ZC3H3: variants seen among roughly 807,000 people sequenced by gnomAD.
ZC3H3 encodes zinc finger CCCH-type containing 3.
In ZC3H3, 36 loss-of-function variants were observed where a neutral mutation model predicts 77.3. The ratio of observed to expected loss-of-function variants is 0.47; its 90% confidence interval spans 0.36 to 0.61. ZC3H3 has a LOEUF of 0.61. Among genes scored for constraint, ZC3H3 ranks in the 20% least tolerant of loss-of-function variants. The pLI is 0.00. For missense variants in ZC3H3, 1,331 were observed against 1,312.2 expected, an observed-to-expected ratio of 1.01 and a Z score of -0.22; for synonymous variants, 626 against 555.2, an observed-to-expected ratio of 1.13 and a Z score of -1.79.
intron 5 of ZC3H3, among the ~76,000 whole-genome samples, chr8:143,474,108 A>G (rs1479010358): frequency 6.6e-6 from 1 of 152,148 alleles, no homozygotes; most frequent in African/African-American, 2.4e-5. Context: ...TCCTGCACTG[A>G]GCACCCGGGG....
At chr8:143,471,580 C>T (rs1454328121) in intron 5 of ZC3H3, among the ~76,000 whole-genome samples, 1 of 152,238 alleles carries the variant, frequency 6.6e-6, no homozygotes, top group African/African-American at 2.4e-5. Context: ...GGGCCATGCT[C>T]ACTGGGGGCC....
intron 3 of ZC3H3, among the ~76,000 whole-genome samples, chr8:143,529,240 G>A (rs771852903): frequency 1.2e-4 from 18 of 151,090 alleles, no homozygotes; most frequent in African/African-American, 4.2e-4. Flanking sequence ...GCTGGTCACC[G>A]GGAGAAGCCG....
Position 143,511,349 on chromosome 8 carries a change from G to C in ZC3H3, c.1562-3450C>G, listed in dbSNP as rs147281650. ...CTGATCAGATGGGGGTCGCAGCCTT[G>C]CTCTGTTTTATGTGGAGCAGGAGTG... is the stretch of plus-strand genomic sequence containing the variant. On this transcript the variant is annotated intron_variant, in intron 3 of 11. Coordinates refer to ENST00000262577, the MANE Select transcript of ZC3H3 (RefSeq NM_015117.3). 4.2e-3 allele frequency among the ~76,000 whole-genome samples: 645 copies of C among 152,352 alleles called. 2 individuals are homozygous for C. The highest frequency in any genetic ancestry group is 9.7e-3 in the South Asian group (47 of 4,832).
At chr8:143,500,571 A>G (rs1452588528) in intron 4 of ZC3H3, among the ~76,000 whole-genome samples, 1 of 152,240 alleles carries the variant, frequency 6.6e-6, no homozygotes, top group African/African-American at 2.4e-5. Flanking sequence ...ACAGAAAACA[A>G]GTGTCTTTGG....
chr8:143,442,935 T>C (rs1819783823), intron 9 of ZC3H3, among the ~76,000 whole-genome samples: 1 of 152,184 alleles, frequency 6.6e-6, no homozygotes, highest in Non-Finnish European at 1.5e-5. Context: ...ACAGCGCCGA[T>C]GAGAACCCTC....
At chr8:143,516,970 G>A (rs543492657) in intron 3 of ZC3H3, among the ~76,000 whole-genome samples, 4 of 152,308 alleles carry the variant, frequency 2.6e-5, no homozygotes, top group South Asian at 4.1e-4. Flanking sequence ...TGTCCCCCCC[G>A]TGTGGGATCC....
chr8:143,526,782 T>A (rs1481150836), intron 3 of ZC3H3, among the ~76,000 whole-genome samples: 1 of 151,802 alleles, frequency 6.6e-6, no homozygotes, highest in African/African-American at 2.4e-5. Context: ...GCCACATTCG[T>A]CCCCAGCTGG....
Position 143,494,442 on chromosome 8 carries a change from G to A in ZC3H3, c.1715+13304C>T, listed in dbSNP as rs1821289674. Among the ~76,000 whole-genome samples the A allele has an allele frequency of 6.6e-6, 1 of 152,150 alleles. No homozygotes were observed. The highest frequency in any genetic ancestry group is 2.1e-4 in the South Asian group (1 of 4,822). ...CGTGGAGGATGGGGCTCCGGCAGAT[G>A]ACCCCCGAGGGGTGAGCACAGGACC... On this transcript the variant is annotated intron_variant, in intron 4 of 11. Transcript: ENST00000262577. This position sits in a 1 kb window ranked among gnomAD's most constrained non-coding sequence, Gnocchi z 5.3.
intron 9 of ZC3H3, among the ~76,000 whole-genome samples, chr8:143,459,199 T>C (rs1820194655): frequency 6.6e-6 from 1 of 152,206 alleles, no homozygotes; most frequent in Non-Finnish European, 1.5e-5. Context: ...CAATATATTT[T>C]ATGAATATTG....
In ZC3H3 at chr8:143,440,124, G is replaced by C. The variant is rs1427263604; in HGVS notation, c.2732C>G (p.Ser911Cys). 1.9e-6 allele frequency: 3 copies of C among 1,611,160 alleles called. No homozygotes were observed. Among genetic ancestry groups the C allele is most frequent in the Middle Eastern group, 1.7e-4 (1 of 5,720 alleles). Residue 911 changes from serine (S) to cysteine (C), a missense_variant, in exon 11 of 12, where the codon TCC becomes TGC. Physicochemically the swap from Ser to Cys is moderately radical, Grantham distance 112 (BLOSUM62 -1). This residue lies in a region of ZC3H3 where 249 missense variants were observed against 236.9 expected (regional missense o/e 1.05). Coordinates refer to ENST00000262577, the MANE Select transcript of ZC3H3 (RefSeq NM_015117.3). ...ACSNRLCKLP[S>C]FISLQSSPSP... ...CGGCGAGGACTGCAGGGAGATGAAG[G>C]AAGGCAGCTTGCAGAGCCTGTTGGA... is the stretch of plus-strand genomic sequence containing the variant.
At position 143,468,678 on chromosome 8, in the gene ZC3H3, C is replaced by G. The variant is rs373289184; in HGVS notation, c.1904-19G>C. ...AGCCGGCCTGTGGGGGAGAGAGGCA[C>G]GGGTCATAGCAGGCCACAGCCTGGC... On this transcript the variant is annotated intron_variant, in intron 5 of 11. Coordinates refer to ENST00000262577, the MANE Select transcript of ZC3H3 (RefSeq NM_015117.3). 2 of 1,545,076 alleles carry G rather than the reference C, an allele frequency of 1.3e-6. No homozygotes were observed. The highest frequency in any genetic ancestry group is 1.7e-6 in the Non-Finnish European group (2 of 1,145,076).
chr8:143,503,047 G>A (rs1024812930), intron 4 of ZC3H3, among the ~76,000 whole-genome samples: 1 of 152,194 alleles, frequency 6.6e-6, no homozygotes, highest in Non-Finnish European at 1.5e-5. Flanking sequence ...TGGCAGATGC[G>A]ACGGGCACCA....
intron 11 of ZC3H3, among the ~76,000 whole-genome samples, chr8:143,439,425 C>T (rs1187056603): frequency 6.6e-6 from 1 of 152,212 alleles, no homozygotes; most frequent in Non-Finnish European, 1.5e-5. Flanking sequence ...GGTTTATCGT[C>T]ACTCAAACGC....
In ZC3H3 at chr8:143,530,409, G is replaced by A. The variant is rs1467789335; in HGVS notation, c.1561+5848C>T. Among the ~76,000 whole-genome samples, 1 of 152,156 alleles carries A rather than the reference G, an allele frequency of 6.6e-6. No homozygotes were observed. The highest frequency in any genetic ancestry group is 1.5e-5 in the Non-Finnish European group (1 of 68,020). On this transcript the variant is annotated intron_variant, in intron 3 of 11. Coordinates refer to ENST00000262577, the MANE Select transcript of ZC3H3 (RefSeq NM_015117.3). This position sits in a 1 kb window ranked among gnomAD's most constrained non-coding sequence, Gnocchi z 4.3. ...CACTCCAGCAGATGACGACACCACT[G>A]CCTACCCACCTACCATGACTTTTCC...
chr8:143,527,276 T>C (rs1311707638), intron 3 of ZC3H3, among the ~76,000 whole-genome samples: 1 of 152,150 alleles, frequency 6.6e-6, no homozygotes, highest in Non-Finnish European at 1.5e-5. Context: ...ACTGGGGGGA[T>C]GTGCCAGCCC....
chr8:143,468,353 C>A, intron 7 of ZC3H3, 29 bp downstream of exon 7: 1 of 1,611,856 alleles, frequency 6.2e-7, no homozygotes, highest in Non-Finnish European at 8.5e-7. Flanking sequence ...AGAACCTCCC[C>A]CAGGCCCACA....
intron 3 of ZC3H3, among the ~76,000 whole-genome samples, chr8:143,534,166 C>A (rs921564294): frequency 6.6e-6 from 1 of 152,004 alleles, no homozygotes; most frequent in Admixed American, 6.5e-5. Context: ...CACCTGTAGT[C>A]CCAGCTATTC....
chr8:143,513,075 C>T (rs1191985450), intron 3 of ZC3H3, among the ~76,000 whole-genome samples: 5 of 151,276 alleles, frequency 3.3e-5, no homozygotes, highest in East Asian at 3.9e-4. Flanking sequence ...GGGCGGGGGG[C>T]GTGGGAGGAG....
Position 143,468,019 on chromosome 8 carries a change from G to A in ZC3H3, c.2175+190C>T, listed in dbSNP as rs561880946. Among the ~76,000 whole-genome samples, 14 of 152,282 alleles carry A rather than the reference G, an allele frequency of 9.2e-5. No individual in the cohort carries two copies. In the South Asian group the frequency reaches 1.0e-3, roughly 11 times the overall value. On this transcript the variant is annotated intron_variant, in intron 8 of 11. Transcript: ENST00000262577. ...AGAGACCCTATCAGCGCTGCTTTCC[G>A]GGGAAGAGGAAGCCCAGCTGCAAAG...
Sources: gnomAD v4.1 joint callset for allele counts (sites outside exome capture counted in the v4.1 genomes callset) on GRCh38, gnomAD v4.1.1 for gene constraint, gnomAD v4.1.1 regional missense constraint, Gnocchi (gnomAD v3.1) non-coding constraint, MANE v1.5 for transcripts, NCBI Gene and HGNC (gene_info 2026-07-23, HGNC 2026-07-21) for gene names.